CALB2: variants seen among roughly 807,000 people sequenced by gnomAD.
CALB2 encodes calbindin 2, also known as calretinin.
CALB2 carries 34 observed loss-of-function variants against 45.9 expected under a neutral mutation model. The observed-to-expected ratio is 0.74, with a 90% CI of 0.56 to 0.99. The LOEUF (loss-of-function observed/expected upper bound fraction) is 0.99. Among genes scored for constraint, CALB2 ranks in the 50% least tolerant of loss-of-function variants. The pLI is 0.00. For missense variants in CALB2, 344 were observed against 339.3 expected, an observed-to-expected ratio of 1.01 and a Z score of -0.11; for synonymous variants, 142 against 129.6, an observed-to-expected ratio of 1.10 and a Z score of -0.65.
At chr16:71,380,263 T>TTTTC (rs1207272860) in intron 4 of CALB2, among the ~76,000 whole-genome samples, 193 of 144,006 alleles carry the variant, frequency 1.3e-3, no homozygotes, top group Non-Finnish European at 2.4e-3. Context: ...GATTTCTTTC[T>TTTTC]TTTCTTTCTT....
intron 1 of CALB2, among the ~76,000 whole-genome samples, chr16:71,361,370 C>T (rs1427209054): frequency 6.6e-6 from 1 of 152,194 alleles, no homozygotes; most frequent in Non-Finnish European, 1.5e-5. Context: ...CCCTCCTGAA[C>T]ACCCAAAGGC....
At chr16:71,364,121 G>C (rs2042259264) in intron 1 of CALB2, among the ~76,000 whole-genome samples, 1 of 152,162 alleles carries the variant, frequency 6.6e-6, no homozygotes. Flanking sequence ...TCTACGCTGG[G>C]TACCTCCAGG....
At chr16:71,382,838 G>C in intron 5 of CALB2, 63 bp downstream of exon 5, 1 of 1,444,032 alleles carries the variant, frequency 6.9e-7, no homozygotes, top group Non-Finnish European at 9.4e-7. Flanking sequence ...TGCCTGAGGA[G>C]GGAGGAGATG....
At chr16:71,374,884 C>G in intron 3 of CALB2, 50 bp downstream of exon 3, 1 of 1,286,716 alleles carries the variant, frequency 7.8e-7, no homozygotes, top group Non-Finnish European at 1.1e-6. Context: ...GCCCTGGGTC[C>G]CTGTGCCTCT....
rs191874766 is a variant in CALB2, at chr16:71,369,025, C to T, written c.95-3128C>T. ...GTACTTTACTTCTTTGGGTTCAGAG[C>T]GTTCAGTGGGGCGGGGCTCCGTGCT... On this transcript the variant is annotated intron_variant, in intron 1 of 10. Transcript: ENST00000302628. Among the ~76,000 whole-genome samples, 75 of 152,162 alleles carry T rather than the reference C, an allele frequency of 4.9e-4. 1 individual carries two copies. The East Asian group carries it at 0.012, about 25-fold the overall frequency.
intron 3 of CALB2, among the ~76,000 whole-genome samples, chr16:71,375,739 G>C (rs139054027): frequency 6.6e-6 from 1 of 152,192 alleles, no homozygotes; most frequent in African/African-American, 2.4e-5. Context: ...GCAAGGATGC[G>C]GTCTCAACTG....
rs767216075 is a variant in CALB2 at position 71,389,924 on chromosome 16, C to A, written c.*59C>A. On this transcript the variant is annotated 3_prime_UTR_variant, in exon 11 of 11. Transcript: ENST00000302628. ...AAACCCTGCTTCTGCTGCCCTGATG[C>A]GTCTACCCAGACTCAGAGACCGTGA... is the stretch of plus-strand genomic sequence containing the variant. 9.1e-6 allele frequency: 11 copies of A among 1,207,850 alleles called. No homozygotes were observed. The highest frequency in any genetic ancestry group is 1.2e-5 in the Non-Finnish European group (10 of 819,460). 74.8% of individuals were successfully genotyped at this position (1,207,850 alleles called of 1,614,324 possible).
chr16:71,387,117 T>C (rs2042579265), intron 10 of CALB2, among the ~76,000 whole-genome samples: 2 of 152,196 alleles, frequency 1.3e-5, no homozygotes, highest in South Asian at 2.1e-4. Flanking sequence ...GACTCTGTCT[T>C]ATACCTGAGG....
intron 1 of CALB2, among the ~76,000 whole-genome samples, chr16:71,363,711 T>C (rs1293848285): frequency 6.6e-6 from 1 of 152,198 alleles, no homozygotes; most frequent in African/African-American, 2.4e-5. Context: ...AATACCAAAG[T>C]GAAACACATG....
chr16:71,362,370 C>A (rs76674596), intron 1 of CALB2, among the ~76,000 whole-genome samples: 5,049 of 152,318 alleles, frequency 0.033, 287 homozygotes, highest in African/African-American at 0.12. Flanking sequence ...AAGATGAGTT[C>A]TCTTCCAGGG....
chr16:71,383,310 T>C (rs971044789), intron 5 of CALB2, 57 bp from the exon 6 acceptor site: 2 of 1,477,926 alleles, frequency 1.4e-6, no homozygotes, highest in South Asian at 2.3e-5. Flanking sequence ...AGTAAGGAAA[T>C]GAATGAGGGA....
chr16:71,375,520 A>G (rs2042400246), intron 3 of CALB2, among the ~76,000 whole-genome samples: 1 of 152,184 alleles, frequency 6.6e-6, no homozygotes, highest in South Asian at 2.1e-4. Context: ...CCTGGGCAAT[A>G]TAACAAAACC....
intron 10 of CALB2, among the ~76,000 whole-genome samples, chr16:71,386,806 A>G (rs1227589848): frequency 6.6e-6 from 1 of 152,160 alleles, no homozygotes; most frequent in Non-Finnish European, 1.5e-5. Flanking sequence ...GTCTCTATTC[A>G]TCTCCCTTTC....
chr16:71,360,971 A>C (rs1452459537), intron 1 of CALB2, among the ~76,000 whole-genome samples: 1 of 152,118 alleles, frequency 6.6e-6, no homozygotes, highest in Admixed American at 6.5e-5. Context: ...TCCCCCAAAG[A>C]AAAGCCCCCA....
intron 1 of CALB2, among the ~76,000 whole-genome samples, chr16:71,370,560 T>C (rs1816583330): frequency 1.3e-5 from 2 of 151,908 alleles, no homozygotes; most frequent in Non-Finnish European, 2.9e-5. Flanking sequence ...GGGCCAGATA[T>C]CCATATTTTT....
Position 71,383,442 on chromosome 16 carries a change from A to G in CALB2, c.475A>G (p.Ile159Val). 1 of 1,614,010 alleles carries G rather than the reference A, an allele frequency of 6.2e-7. No individual in the cohort carries two copies. The highest frequency in any genetic ancestry group is 8.5e-7 in the Non-Finnish European group (1 of 1,179,886). Reference protein sequence around the residue: ...EPKLQEYTQTILRMFDLNGDG... With the variant: ...EPKLQEYTQTVLRMFDLNGDG... The stretch of plus-strand genomic sequence containing the variant: ...CAAGCTCCAGGAATACACCCAAACC[A>G]TAGTGAGTGAACAGAAGTGTCCCTC... The change falls in exon 6 of 11, where the codon ATA becomes GTA. Residue 159 changes from isoleucine to valine, a missense_variant and splice_region_variant. Coordinates refer to ENST00000302628, the MANE Select transcript of CALB2 (RefSeq NM_001740.5).
chr16:71,378,342 G>GTC (rs2042442362), intron 4 of CALB2, among the ~76,000 whole-genome samples: 1 of 150,898 alleles, frequency 6.6e-6, no homozygotes, highest in African/African-American at 2.4e-5. Flanking sequence ...GTGAGACCTT[G>GTC]TCTCTACAAA....
intron 2 of CALB2, among the ~76,000 whole-genome samples, chr16:71,372,633 C>T (rs780762418): frequency 2.9e-4 from 44 of 152,170 alleles, no homozygotes; most frequent in Admixed American, 7.9e-4. Flanking sequence ...AGTTTCTCAG[C>T]CTCAGCGCTG....
intron 9 of CALB2, 98 bp downstream of exon 9, chr16:71,384,934 G>T: frequency 9.5e-7 from 1 of 1,047,848 alleles, no homozygotes; most frequent in African/African-American, 1.6e-5. Flanking sequence ...CTTTCCAGGG[G>T]TGGCCTGGGC....
Sources: allele counts gnomAD v4.1 joint callset (sites outside exome capture counted in the v4.1 genomes callset), GRCh38; gene constraint gnomAD v4.1.1; transcripts MANE v1.5; gene names NCBI Gene and HGNC (gene_info 2026-07-23, HGNC 2026-07-21).